The following AHDC1 variants were observed in gnomAD, a reference collection of about 807,000 sequenced individuals.
AHDC1 encodes the protein transcription factor Gibbin.
Under a neutral mutation model 87.9 loss-of-function variants are expected in AHDC1, and 7 were observed. The observed-to-expected ratio is 0.08, with a 90% CI of 0.05 to 0.15. The LOEUF (loss-of-function observed/expected upper bound fraction) is 0.15, where lower values mean the gene tolerates loss of function less well. Ranked by LOEUF, AHDC1 falls within the 10% of genes least tolerant of loss-of-function variation. The probability of loss-of-function intolerance (pLI) is 1.00; values close to 1 mark genes in which losing one functional copy is unlikely to be tolerated. For synonymous variants in AHDC1, 1,051 were observed against 1,006.8 expected, an observed-to-expected ratio of 1.04 and a Z score of -0.83; for missense variants, 1,841 against 2,253.2, an observed-to-expected ratio of 0.82 and a Z score of 3.70.
intron 8 of AHDC1, among the ~76,000 whole-genome samples, chr1:27,542,111 C>T (rs1391483087): frequency 2.6e-5 from 4 of 152,248 alleles, no homozygotes; most frequent in Non-Finnish European, 2.9e-5. Context: ...AAACGCAGTG[C>T]ACTATGGCAG....
chr1:27,600,504 G>A (rs945824184), intron 3 of AHDC1, among the ~76,000 whole-genome samples: 1 of 152,110 alleles, frequency 6.6e-6, no homozygotes, highest in Non-Finnish European at 1.5e-5. Context: ...CCTGGGGGTG[G>A]GACAGAAGAG....
chr1:27,599,891 GTCTC>G (rs147481877), intron 3 of AHDC1, among the ~76,000 whole-genome samples: 1 of 151,428 alleles, frequency 6.6e-6, no homozygotes, highest in African/African-American at 2.4e-5. Flanking sequence ...TCCTGTGAGA[GTCTC>G]TCTCTCTCTC....
Position 27,550,956 on chromosome 1 carries a change from G to T in AHDC1, c.1160C>A (p.Thr387Asn). Residue 387 changes from threonine (T) to asparagine (N), a missense_variant, in exon 8 of 9, where the codon ACT becomes AAT. Physicochemically the swap from Thr to Asn is moderately conservative, Grantham distance 65 (BLOSUM62 0). Around this residue, in one of 13 missense-constraint regions of AHDC1, gnomAD observed 370 missense variants for 391.5 expected, o/e 0.95. Transcript: ENST00000673934. ...GCGACACAGGATCTTTGGCCTATCA[G>T]TGCGCCGCAAGGCGTACTTGGGGTG... ...EGHPKYALRRTDRPKILCRRR... is the reference protein window; with the variant it reads ...EGHPKYALRRNDRPKILCRRR... The T allele has an allele frequency of 1.3e-6, 2 of 1,598,244 alleles. No individual in the cohort carries two copies. The highest frequency in any genetic ancestry group is 8.5e-7 in the Non-Finnish European group (1 of 1,178,230).
In AHDC1 at chr1:27,536,298, T is replaced by A. The variant is rs565872647; in HGVS notation, c.*44-1382A>T. 2.6e-5 allele frequency among the ~76,000 whole-genome samples: 4 copies of A among 152,336 alleles called. No homozygotes were observed. The South Asian group carries it at 8.3e-4, about 32-fold the overall frequency. ...TCCCCCAAGGTCCAGGGGAACCAGG[T>A]GGGCTCCTGCAGAGGCAGGGCAGCA... On this transcript the variant is annotated intron_variant, in intron 8 of 8. Coordinates refer to ENST00000673934, the MANE Select transcript of AHDC1 (RefSeq NM_001371928.1).
chr1:27,559,613 G>A (rs954120326), intron 3 of AHDC1, among the ~76,000 whole-genome samples: 3 of 152,200 alleles, frequency 2.0e-5, no homozygotes, highest in Admixed American at 6.5e-5. Flanking sequence ...AAACTATAAT[G>A]CAAACAGGTT....
Position 27,551,036 on chromosome 1 carries a change from G to A in AHDC1, c.1080C>T (p.Ala360=), listed in dbSNP as rs555066652. 2.5e-5 allele frequency: 39 copies of A among 1,556,454 alleles called. No individual in the cohort carries two copies. The Middle Eastern group carries it at 5.1e-4, about 20-fold the overall frequency. Residue 360 remains alanine (A), a synonymous_variant, in exon 8 of 9, where the codon GCC becomes GCT. Transcript: ENST00000673934. ...PQQPLGHCPL[A]EPLRLDLCSP... ...AGCACAAGTCCAGGCGCAAGGGCTCGGCCAGTGGGCAGTGCCCCAGGGGCT... is the reference window on the plus strand; with the variant it reads ...AGCACAAGTCCAGGCGCAAGGGCTCAGCCAGTGGGCAGTGCCCCAGGGGCT...
intron 3 of AHDC1, among the ~76,000 whole-genome samples, chr1:27,575,793 G>A (rs2088711539): frequency 6.6e-6 from 1 of 151,722 alleles, no homozygotes; most frequent in African/African-American, 2.4e-5. Context: ...CCCGACCGGG[G>A]GCTATTTTGA....
chr1:27,562,202 C>T lies in AHDC1; in HGVS notation c.-628-3319G>A, dbSNP rs1171981163. On this transcript the variant is annotated intron_variant, in intron 3 of 8. Transcript: ENST00000673934. This position sits in a 1 kb window ranked among gnomAD's most constrained non-coding sequence, Gnocchi z 4.4. Reference sequence around the variant, plus strand: ...TGTGTGGGCAGGGGGAGTGGACGCGCCCAAGCTGGCTCGGCGGGGGCGGCC... The same window carrying T: ...TGTGTGGGCAGGGGGAGTGGACGCGTCCAAGCTGGCTCGGCGGGGGCGGCC... Among the ~76,000 whole-genome samples the T allele has an allele frequency of 1.3e-5, 2 of 152,224 alleles. No homozygotes were observed. The highest frequency in any genetic ancestry group is 2.1e-4 in the South Asian group (1 of 4,826).
At chr1:27,575,665 C>A (rs1001744788) in intron 3 of AHDC1, among the ~76,000 whole-genome samples, 1 of 151,754 alleles carries the variant, frequency 6.6e-6, no homozygotes, top group South Asian at 2.1e-4. Context: ...CGGCCGGCCG[C>A]GCGGCCCGCC....
chr1:27,566,937 G>C (rs1398554703), intron 3 of AHDC1, among the ~76,000 whole-genome samples: 2 of 151,812 alleles, frequency 1.3e-5, no homozygotes, highest in Admixed American at 1.3e-4. Flanking sequence ...GAGGCAGAAA[G>C]GCAGGGTAAG....
At position 27,551,849 on chromosome 1, in the gene AHDC1, G is replaced by C. The variant is rs761655913; in HGVS notation, c.267C>G (p.Ala89=). The part of the protein sequence containing the change: ...KGDDPLPPRA[A]RPVSQARCPT... The stretch of plus-strand genomic sequence containing the variant: ...GGCAGCGGGCCTGTGAGACAGGACG[G>C]GCTGCCCGTGGGGGCAGCGGGTCGT... Residue 89 remains alanine, a synonymous_variant, in exon 8 of 9, where the codon GCC becomes GCG. Transcript: ENST00000673934. The C allele has an allele frequency of 2.5e-6, 4 of 1,610,248 alleles. No homozygotes were observed. The African/African-American group carries it at 5.3e-5, about 22-fold the overall frequency.
chr1:27,554,793 G>A (rs1195683898), intron 5 of AHDC1, among the ~76,000 whole-genome samples: 1 of 152,166 alleles, frequency 6.6e-6, no homozygotes, highest in Non-Finnish European at 1.5e-5. Context: ...GAGCTGACTC[G>A]GGGACAGGAT....
At chr1:27,576,563 C>T (rs959109261) in intron 3 of AHDC1, among the ~76,000 whole-genome samples, 1 of 152,190 alleles carries the variant, frequency 6.6e-6, no homozygotes, top group African/African-American at 2.4e-5. Flanking sequence ...AAGTGACCCA[C>T]CAAAGGTCAC....
chr1:27,555,526 C>T (rs1014341771), intron 5 of AHDC1, among the ~76,000 whole-genome samples: 1 of 152,168 alleles, frequency 6.6e-6, no homozygotes, highest in Non-Finnish European at 1.5e-5. Context: ...TGGACCTGGC[C>T]CCTCCCAGGT....
In AHDC1 at chr1:27,550,895, G is replaced by C; in HGVS notation, c.1221C>G (p.Ala407=). 6.3e-7 allele frequency: 1 copy of C among 1,591,876 alleles called. No individual in the cohort carries two copies. The highest frequency in any genetic ancestry group is 8.5e-7 in the Non-Finnish European group (1 of 1,174,370). The change falls in exon 8 of 9, where the codon GCC becomes GCG. Residue 407 remains alanine (A), a synonymous_variant. Transcript: ENST00000673934. ...GGGGCAGTAGGCGGCCCTCGGGTCC[G>C]GCGTCTGCCTTGCGTCCCCGTCCGG... ...RKAGRGRKAD[A]GPEGRLLPLP...
At chr1:27,543,136 C>T (rs575848209) in intron 8 of AHDC1, among the ~76,000 whole-genome samples, 4 of 152,226 alleles carry the variant, frequency 2.6e-5, no homozygotes, top group African/African-American at 7.2e-5. Flanking sequence ...AGGCCCTAGC[C>T]GCGTAACCTT....
In AHDC1 at chr1:27,562,862, C is replaced by G. The variant is rs564416313; in HGVS notation, c.-628-3979G>C. Reference sequence around the variant, plus strand: ...ACATGCCACTCCCCACAACAGCCTGCGACGGGCACATGGTGACATCTCACA... The same window carrying G: ...ACATGCCACTCCCCACAACAGCCTGGGACGGGCACATGGTGACATCTCACA... On this transcript the variant is annotated intron_variant, in intron 3 of 8. Coordinates refer to ENST00000673934, the MANE Select transcript of AHDC1 (RefSeq NM_001371928.1). This position sits in a 1 kb window ranked among gnomAD's most constrained non-coding sequence, Gnocchi z 4.4. Among the ~76,000 whole-genome samples, 2 of 152,134 alleles carry G rather than the reference C, an allele frequency of 1.3e-5. No individual in the cohort carries two copies. The highest frequency in any genetic ancestry group is 2.9e-5 in the Non-Finnish European group (2 of 68,018).
intron 5 of AHDC1, among the ~76,000 whole-genome samples, chr1:27,554,755 C>T (rs555571781): frequency 5.9e-5 from 9 of 152,310 alleles, no homozygotes; most frequent in African/African-American, 1.9e-4. Flanking sequence ...CCCACCTACC[C>T]ATGCTGTCAC....
chr1:27,562,376 C>T lies in AHDC1; in HGVS notation c.-628-3493G>A, dbSNP rs946370567. Among the ~76,000 whole-genome samples the T allele has an allele frequency of 7.2e-5, 11 of 152,136 alleles. No homozygotes were observed. The highest frequency in any genetic ancestry group is 4.4e-5 in the Non-Finnish European group (3 of 68,010). ...GCTCCCGGCCCGCGCAGAGCTGCCC[C>T]GATTAATCCTGTGGCTCCAGAGCCT... On this transcript the variant is annotated intron_variant, in intron 3 of 8. Transcript: ENST00000673934. This position sits in a 1 kb window ranked among gnomAD's most constrained non-coding sequence, Gnocchi z 4.4.
Sources: gnomAD v4.1 joint callset for allele counts (sites outside exome capture counted in the v4.1 genomes callset) on GRCh38, gnomAD v4.1.1 for gene constraint, gnomAD v4.1.1 regional missense constraint, Gnocchi (gnomAD v3.1) non-coding constraint, MANE v1.5 for transcripts, NCBI Gene and HGNC (gene_info 2026-07-23, HGNC 2026-07-21) for gene names.